The following NTSR1 variants were observed in gnomAD, a reference collection of about 807,000 sequenced individuals.
The protein encoded by NTSR1 is neurotensin receptor 1.
NTSR1 carries 29 observed loss-of-function variants against 31.2 expected under a neutral mutation model. That is an observed-to-expected ratio of 0.93 (90% CI 0.69 to 1.27). The LOEUF is 1.27. Among genes scored for constraint, NTSR1 ranks in the 50% most tolerant of loss-of-function variants. The probability of loss-of-function intolerance (pLI) is 0.00; values close to 1 mark genes in which losing one functional copy is unlikely to be tolerated. For missense variants in NTSR1, 697 were observed against 595.4 expected (o/e 1.17, Z -1.78); for synonymous variants, 282 against 269.9 (o/e 1.04, Z -0.44).
At position 62,744,223 on chromosome 20, in the gene NTSR1, G is replaced by A. The variant is rs1029633924; in HGVS notation, c.715-10462G>A. 6.6e-6 allele frequency among the ~76,000 whole-genome samples: 1 copy of A among 152,168 alleles called. No homozygotes were observed. The highest frequency in any genetic ancestry group is 1.5e-5 in the Non-Finnish European group (1 of 68,036). On this transcript the variant is annotated intron_variant, in intron 1 of 3. Transcript: ENST00000370501. The surrounding 1 kb of genome is among the most constrained non-coding windows in gnomAD (Gnocchi z 4.1). ...CCAAGGGAGCACAGTCAGTGCTCCA[G>A]GAACTGAGGCAGCACCTCTAGGCTC...
intron 1 of NTSR1, among the ~76,000 whole-genome samples, chr20:62,719,232 G>A (rs773079844): frequency 4.0e-5 from 6 of 151,320 alleles, no homozygotes; most frequent in Admixed American, 1.3e-4. Flanking sequence ...TTTCTTCATC[G>A]TGAATGAATG....
Position 62,758,472 on chromosome 20 carries a change from C to A in NTSR1, c.1007+116C>A. ...ACTCAGGGCAGGGGTGTGGTGAGTC[C>A]CCCGGCGACCCCCTGGGCAGGGTTG... is the stretch of plus-strand genomic sequence containing the variant. On this transcript the variant is annotated intron_variant, in intron 3 of 3. Coordinates refer to ENST00000370501, the MANE Select transcript of NTSR1 (RefSeq NM_002531.3). The surrounding 1 kb of genome is among the most constrained non-coding windows in gnomAD (Gnocchi z 4.5). 1.2e-6 allele frequency: 1 copy of A among 869,188 alleles called. No individual in the cohort carries two copies. The highest frequency in any genetic ancestry group is 1.5e-5 in the South Asian group (1 of 64,566). 53.8% of individuals were successfully genotyped at this position (869,188 alleles called of 1,614,324 possible).
chr20:62,748,175 CAAAAAAAAAA>C (rs34449464), intron 1 of NTSR1, among the ~76,000 whole-genome samples: 2 of 78,912 alleles, frequency 2.5e-5, no homozygotes, highest in South Asian at 4.2e-4. Flanking sequence ...GAATCTGTCT[CAAAAAAAAAA>C]AAAAAAAAAA....
chr20:62,754,964 G>A, intron 2 of NTSR1, 78 bp downstream of exon 2: 1 of 1,376,066 alleles, frequency 7.3e-7, no homozygotes. Context: ...ACCACCCCAA[G>A]CCTGGGCAAG....
chr20:62,742,374 C>T lies in NTSR1; in HGVS notation c.715-12311C>T, dbSNP rs931109914. 3.3e-5 allele frequency among the ~76,000 whole-genome samples: 5 copies of T among 149,468 alleles called. No individual in the cohort carries two copies. The South Asian group carries it at 6.3e-4, about 19-fold the overall frequency. On this transcript the variant is annotated intron_variant, in intron 1 of 3. Coordinates refer to ENST00000370501, the MANE Select transcript of NTSR1 (RefSeq NM_002531.3). This position sits in a 1 kb window ranked among gnomAD's most constrained non-coding sequence, Gnocchi z 7.1. The stretch of plus-strand genomic sequence containing the variant: ...ATGTACGGCTTTCCAGGCCCCCATC[C>T]ACCATGAGTCAGGCGTGTCCCCACT...
chr20:62,754,922 A>G (rs1300407864), intron 2 of NTSR1, 36 bp downstream of exon 2: 3 of 1,541,342 alleles, frequency 1.9e-6, no homozygotes, highest in Non-Finnish European at 2.6e-6. Flanking sequence ...GGCGGGAGGC[A>G]GGCCAGGGCT....
chr20:62,709,693 G>C lies in NTSR1; in HGVS notation c.486G>C (p.Leu162=). The change falls in exon 1 of 4, where the codon CTG becomes CTC. Residue 162 remains leucine, a synonymous_variant. Coordinates refer to ENST00000370501, the MANE Select transcript of NTSR1 (RefSeq NM_002531.3). ...CCACGGCCCTCAACGTGGCCAGCCTGAGTGTGGAGCGCTACCTGGCCATCT... is the reference window on the plus strand; with the variant it reads ...CCACGGCCCTCAACGTGGCCAGCCTCAGTGTGGAGCGCTACCTGGCCATCT... ...TYATALNVAS[L]SVERYLAICH... is the part of the protein sequence containing the mutation. 1.9e-6 allele frequency: 3 copies of C among 1,612,820 alleles called. No homozygotes were observed. The highest frequency in any genetic ancestry group is 2.5e-6 in the Non-Finnish European group (3 of 1,179,882).
In NTSR1 at chr20:62,760,271, G is replaced by C. The variant is rs376745440; in HGVS notation, c.*4G>C. The stretch of plus-strand genomic sequence containing the variant: ...CACCCGCGAGACGCTGTACTAGGCT[G>C]TGCGCCCCGGAACGTGTCCAGGAGG... On this transcript the variant is annotated 3_prime_UTR_variant, in exon 4 of 4. Coordinates refer to ENST00000370501, the MANE Select transcript of NTSR1 (RefSeq NM_002531.3). 8.7e-6 allele frequency: 14 copies of C among 1,600,504 alleles called. No individual in the cohort carries two copies. Among genetic ancestry groups the C allele is most frequent in the African/African-American group, 1.3e-5 (1 of 74,772 alleles).
At chr20:62,722,653 G>A (rs747013848) in intron 1 of NTSR1, among the ~76,000 whole-genome samples, 8 of 152,148 alleles carry the variant, frequency 5.3e-5, no homozygotes, top group Admixed American at 1.3e-4. Context: ...CAGCTCTTAC[G>A]TCTCCATCAG....
Position 62,709,818 on chromosome 20 carries a change from T to C in NTSR1, c.611T>C (p.Leu204Pro). ...TCGGCCCTGCTGGCGGTGCCTATGC[T>C]GTTCACCATGGGCGAGCAGAACCGC... ...LASALLAVPM[L>P]FTMGEQNRSA... The change falls in exon 1 of 4, where the codon CTG (leucine) becomes CCG (proline). Residue 204 changes from leucine to proline, a missense_variant. Leu to Pro is a moderately conservative substitution (Grantham distance 98, BLOSUM62 -3). Transcript: ENST00000370501. 1 of 1,612,512 alleles carries C rather than the reference T, an allele frequency of 6.2e-7. No individual in the cohort carries two copies. The highest frequency in any genetic ancestry group is 8.5e-7 in the Non-Finnish European group (1 of 1,179,746).
rs1279870917 is a variant in NTSR1 at position 62,711,919 on chromosome 20, A to AGGACAGC, written c.714+2001_714+2007dup. On this transcript the variant is annotated intron_variant, in intron 1 of 3. Transcript: ENST00000370501. The surrounding 1 kb of genome is among the most constrained non-coding windows in gnomAD (Gnocchi z 6.4). ...CAGAGGCCTGTGACGTATCAACCGTAGGACAGCGGCCCCACGCCCTGCAGA... is the reference window on the plus strand; with the variant it reads ...CAGAGGCCTGTGACGTATCAACCGTAGGACAGCGGACAGCGGCCCCACGCCCTGCAGA... Among the ~76,000 whole-genome samples, 1 of 152,244 alleles carries AGGACAGC rather than the reference A, an allele frequency of 6.6e-6. No individual in the cohort carries two copies. The highest frequency in any genetic ancestry group is 1.5e-5 in the Non-Finnish European group (1 of 68,038).
rs956044375 is a variant in NTSR1 at position 62,742,014 on chromosome 20, C to T, written c.715-12671C>T. On this transcript the variant is annotated intron_variant, in intron 1 of 3. Transcript: ENST00000370501. This position sits in a 1 kb window ranked among gnomAD's most constrained non-coding sequence, Gnocchi z 7.1. ...GTGGTGCACACAGAGTATGTGTAGA[C>T]CCCAGGACAGTCGATGTCAGCTAGA... 6.0e-5 allele frequency among the ~76,000 whole-genome samples: 9 copies of T among 149,356 alleles called. No individual in the cohort carries two copies. In the Admixed American group the frequency reaches 6.1e-4, roughly 10 times the overall value.
In NTSR1 at chr20:62,708,931, T is replaced by C. The variant is rs1006985227; in HGVS notation, c.-277T>C. ...GGAGATCGGAGGCACCTGGAACCCG[T>C]GGCAAGCGCCGAGCCGGGAGACAGC... is the stretch of plus-strand genomic sequence containing the variant. On this transcript the variant is annotated 5_prime_UTR_variant, in exon 1 of 4. Coordinates refer to ENST00000370501, the MANE Select transcript of NTSR1 (RefSeq NM_002531.3). The surrounding 1 kb of genome is among the most constrained non-coding windows in gnomAD (Gnocchi z 5.9). 5 of 382,842 alleles carry C rather than the reference T, an allele frequency of 1.3e-5. No individual in the cohort carries two copies. Among genetic ancestry groups the C allele is most frequent in the African/African-American group, 1.1e-4 (5 of 47,284 alleles). The allele number at this position is 382,842 out of a possible 1,614,324, so 23.7% of individuals were successfully genotyped here. A position where few individuals can be genotyped will look rare whatever the true frequency, so the allele number is the denominator to read the frequency against.
chr20:62,713,099 C>A (rs979492513), intron 1 of NTSR1, among the ~76,000 whole-genome samples: 4 of 152,170 alleles, frequency 2.6e-5, no homozygotes, highest in African/African-American at 9.7e-5. Flanking sequence ...GAAAGCAAAC[C>A]CTCCCAGCCT....
Position 62,743,094 on chromosome 20 carries a change from G to T in NTSR1, c.715-11591G>T, listed in dbSNP as rs1989232736. 6.7e-6 allele frequency among the ~76,000 whole-genome samples: 1 copy of T among 149,490 alleles called. No individual in the cohort carries two copies. The highest frequency in any genetic ancestry group is 6.7e-5 in the Admixed American group (1 of 14,900). ...AGCTCGGTAGGCTCCAATCCAGAGA[G>T]TCAGGCTGGGAGGGGAGCACGGAGC... On this transcript the variant is annotated intron_variant, in intron 1 of 3. Transcript: ENST00000370501. This position sits in a 1 kb window ranked among gnomAD's most constrained non-coding sequence, Gnocchi z 7.5.
At position 62,745,816 on chromosome 20, in the gene NTSR1, G is replaced by A. The variant is rs970693866; in HGVS notation, c.715-8869G>A. On this transcript the variant is annotated intron_variant, in intron 1 of 3. Coordinates refer to ENST00000370501, the MANE Select transcript of NTSR1 (RefSeq NM_002531.3). The surrounding 1 kb of genome is among the most constrained non-coding windows in gnomAD (Gnocchi z 4.1). The stretch of plus-strand genomic sequence containing the variant: ...TGACCCTCCCCTGCTGCTTGGAATT[G>A]CAAAGCCAGGCGGTCTGGGAGTCCC... Among the ~76,000 whole-genome samples, 1 of 152,204 alleles carries A rather than the reference G, an allele frequency of 6.6e-6. No individual in the cohort carries two copies. Among genetic ancestry groups the A allele is most frequent in the African/African-American group, 2.4e-5 (1 of 41,456 alleles).
rs978486371 is a variant in NTSR1 at position 62,711,680 on chromosome 20, C to T, written c.714+1759C>T. On this transcript the variant is annotated intron_variant, in intron 1 of 3. Coordinates refer to ENST00000370501, the MANE Select transcript of NTSR1 (RefSeq NM_002531.3). The surrounding 1 kb of genome is among the most constrained non-coding windows in gnomAD (Gnocchi z 6.4). ...CCTGCAGTCCTCAAAAACAAACAGC[C>T]GAAAAGCACAGGGGCGTGAGGACAG... Among the ~76,000 whole-genome samples, 3 of 151,980 alleles carry T rather than the reference C, an allele frequency of 2.0e-5. No homozygotes were observed. The highest frequency in any genetic ancestry group is 4.8e-5 in the African/African-American group (2 of 41,360).
intron 1 of NTSR1, among the ~76,000 whole-genome samples, chr20:62,752,253 G>A (rs1345075199): frequency 1.3e-5 from 2 of 152,212 alleles, no homozygotes; most frequent in Non-Finnish European, 2.9e-5. Context: ...CCGCGCTGCC[G>A]ATGGACGTGC....
chr20:62,757,141 G>T (rs1568712677), intron 2 of NTSR1, among the ~76,000 whole-genome samples: 2 of 152,158 alleles, frequency 1.3e-5, no homozygotes, highest in South Asian at 4.1e-4. Context: ...TCATACCCAA[G>T]AAATCATTGC....
Sources: allele counts gnomAD v4.1 joint callset (sites outside exome capture counted in the v4.1 genomes callset), GRCh38; gene constraint gnomAD v4.1.1; non-coding constraint Gnocchi (gnomAD v3.1); transcripts MANE v1.5; gene names NCBI Gene and HGNC (gene_info 2026-07-23, HGNC 2026-07-21).